Variants in CXXC5 observed in about 807,000 individuals in gnomAD.
The protein encoded by CXXC5 is CXXC finger protein 5.
A neutral mutation model predicts 17.6 loss-of-function variants in CXXC5; 2 were observed. The observed-to-expected ratio is 0.11, with a 90% CI of 0.05 to 0.36. CXXC5 has a LOEUF of 0.36. CXXC5 is among the 10% of genes least tolerant of loss of function. CXXC5 has a pLI of 1.00. For synonymous variants in CXXC5, 171 were observed against 193.0 expected (o/e 0.89, Z 0.94); for missense variants, 343 against 458.3 (o/e 0.75, Z 2.30).
chr5:139,677,712 G>A (rs1478825110), intron 1 of CXXC5, among the ~76,000 whole-genome samples: 2 of 152,236 alleles, frequency 1.3e-5, no homozygotes, highest in Non-Finnish European at 2.9e-5. Context: ...GAGGCTGGGG[G>A]TGGGTGGGCC....
At position 139,680,800 on chromosome 5, in the gene CXXC5, G is replaced by A. The variant is rs773486136; in HGVS notation, c.277G>A (p.Gly93Ser). 37 of 1,612,874 alleles carry A rather than the reference G, an allele frequency of 2.3e-5. No homozygotes were observed. Among genetic ancestry groups the A allele is most frequent in the African/African-American group, 9.3e-5 (7 of 74,942 alleles). Residue 93 changes from glycine to serine, a missense_variant, in exon 2 of 3, where the codon GGT becomes AGT. This residue lies in a region of CXXC5 where 297 missense variants were observed against 363.4 expected (regional missense o/e 0.82). Transcript: ENST00000302517. Reference sequence around the variant, plus strand: ...TTTTGGCAGCAGTGGTGGTAGTGGCGGTGGCAGCATGATGGGCGGAGAGTC... The same window carrying A: ...TTTTGGCAGCAGTGGTGGTAGTGGCAGTGGCAGCATGATGGGCGGAGAGTC... ...SSFGSSGGSG[G>S]GSMMGGESAD...
chr5:139,655,288 C>T (rs1372120394), intron 1 of CXXC5, among the ~76,000 whole-genome samples: 4 of 152,104 alleles, frequency 2.6e-5, no homozygotes, highest in Non-Finnish European at 4.4e-5. Flanking sequence ...GGCAGCCCTC[C>T]GCCTCAGGGT....
At chr5:139,647,385 TTTGGGATTATATGCAG>T (rs200186619), upstream of CXXC5, 6,304 of 152,176 alleles carry the variant, frequency 0.041, 191 homozygotes, top group Middle Eastern at 0.058. Flanking sequence ...AAACTTCCAC[TTTGGGATTATATGCAG>T]TTGGGATTAT....
In CXXC5 at chr5:139,663,862, T is replaced by G. The variant is rs1755955399; in HGVS notation, c.-161+15017T>G. 1.3e-5 allele frequency among the ~76,000 whole-genome samples: 2 copies of G among 152,192 alleles called. No homozygotes were observed. The highest frequency in any genetic ancestry group is 4.8e-5 in the African/African-American group (2 of 41,450). Reference sequence around the variant, plus strand: ...TGACGAGGTGGGGGCTGTCAGCGGCTGCATTTCACTGGCTAGGGGTTGGGC... The same window carrying G: ...TGACGAGGTGGGGGCTGTCAGCGGCGGCATTTCACTGGCTAGGGGTTGGGC... On this transcript the variant is annotated intron_variant, in intron 1 of 2. Transcript: ENST00000302517. The surrounding 1 kb of genome is among the most constrained non-coding windows in gnomAD (Gnocchi z 4.2).
At chr5:139,654,711 C>T (rs978955073) in intron 1 of CXXC5, among the ~76,000 whole-genome samples, 3 of 151,306 alleles carry the variant, frequency 2.0e-5, no homozygotes, top group African/African-American at 4.9e-5. Flanking sequence ...CCCCATGGGG[C>T]ACATGGTAGC....
chr5:139,654,505 A>G (rs940054300), intron 1 of CXXC5, among the ~76,000 whole-genome samples: 1 of 152,154 alleles, frequency 6.6e-6, no homozygotes, highest in Non-Finnish European at 1.5e-5. Context: ...CTCACCTACA[A>G]TCTGTATTCA....
At chr5:139,660,677 C>T (rs547494273) in intron 1 of CXXC5, among the ~76,000 whole-genome samples, 1 of 151,328 alleles carries the variant, frequency 6.6e-6, no homozygotes, top group South Asian at 2.1e-4. Flanking sequence ...CAGCCTTCCC[C>T]TCTACCCTCA....
At chr5:139,649,051 G>C (rs892184739) in intron 1 of CXXC5, 3 of 152,372 alleles carry the variant, frequency 2.0e-5, no homozygotes, top group African/African-American at 7.2e-5. Flanking sequence ...TCCGTATTTG[G>C]GAGGGGCGGG....
chr5:139,655,015 C>G (rs1035352014), intron 1 of CXXC5, among the ~76,000 whole-genome samples: 3 of 152,174 alleles, frequency 2.0e-5, no homozygotes, highest in Non-Finnish European at 2.9e-5. Context: ...GAAGGAGAAG[C>G]TGGATGTCTC....
At chr5:139,681,615 C>A in intron 2 of CXXC5, 168 bp downstream of exon 2, 2 of 761,112 alleles carry the variant, frequency 2.6e-6, no homozygotes, top group East Asian at 2.9e-5. Flanking sequence ...GTTTACTGCC[C>A]CAAAAGTCAG....
At chr5:139,678,410 G>GC (rs1185837512) in intron 1 of CXXC5, among the ~76,000 whole-genome samples, 2 of 152,122 alleles carry the variant, frequency 1.3e-5, no homozygotes, top group Non-Finnish European at 2.9e-5. Context: ...CCCTGCCAGG[G>GC]CCCCCCGGCT....
chr5:139,656,386 T>C (rs1755498480), intron 1 of CXXC5, among the ~76,000 whole-genome samples: 1 of 152,242 alleles, frequency 6.6e-6, no homozygotes, highest in South Asian at 2.1e-4. Flanking sequence ...CTGGCATCAC[T>C]GGATCCCCAG....
Position 139,683,314 on chromosome 5 carries a change from C to T in CXXC5, c.*407C>T, listed in dbSNP as rs897677794. On this transcript the variant is annotated 3_prime_UTR_variant, in exon 3 of 3. Coordinates refer to ENST00000302517, the MANE Select transcript of CXXC5 (RefSeq NM_016463.9). ...TTTGAAATCTAGTTACTAATAAGCA[C>T]TACTGTAATTTAGCACAGTTTAACT... is the stretch of plus-strand genomic sequence containing the variant. 6.3e-6 allele frequency: 1 copy of T among 159,504 alleles called. No individual in the cohort carries two copies. The highest frequency in any genetic ancestry group is 1.4e-5 in the Non-Finnish European group (1 of 72,914). 9.9% of individuals were successfully genotyped at this position (159,504 alleles called of 1,614,324 possible). A position where few individuals can be genotyped will look rare whatever the true frequency, so the allele number is the denominator to read the frequency against.
upstream of CXXC5, among the ~76,000 whole-genome samples, chr5:139,647,698 A>T (rs763546259): frequency 2.0e-5 from 3 of 152,224 alleles, no homozygotes; most frequent in East Asian, 5.8e-4. Context: ...CCCGGGACTC[A>T]AGAGTTGAGG....
chr5:139,662,662 C>G (rs544583357), intron 1 of CXXC5, among the ~76,000 whole-genome samples: 2 of 152,146 alleles, frequency 1.3e-5, no homozygotes, highest in Non-Finnish European at 2.9e-5. Flanking sequence ...ACGACTGGAC[C>G]GTGGTTGAGG....
chr5:139,664,632 T>C (rs6867299), intron 1 of CXXC5, among the ~76,000 whole-genome samples: 67,523 of 152,048 alleles, frequency 0.44, 16,605 homozygotes, highest in African/African-American at 0.66. Flanking sequence ...CTGCCCTGCG[T>C]GCTCTCTGAG....
chr5:139,656,405 C>T (rs979285704), intron 1 of CXXC5, among the ~76,000 whole-genome samples: 10 of 152,246 alleles, frequency 6.6e-5, no homozygotes, highest in African/African-American at 2.4e-4. Context: ...AGGTCTCTCA[C>T]ACAGGCACAC....
chr5:139,653,227 G>A (rs973757755), intron 1 of CXXC5, among the ~76,000 whole-genome samples: 2 of 152,214 alleles, frequency 1.3e-5, no homozygotes, highest in African/African-American at 4.8e-5. Flanking sequence ...GGGCTGGGGT[G>A]ACAGCGTGTA....
intron 1 of CXXC5, among the ~76,000 whole-genome samples, chr5:139,656,066 AC>A (rs771981611): frequency 5.6e-4 from 86 of 152,268 alleles, no homozygotes; most frequent in Non-Finnish European, 7.6e-4. Context: ...CTTGCCTGTG[AC>A]CTTTTCTGAC....
Sources: allele counts gnomAD v4.1 joint callset (sites outside exome capture counted in the v4.1 genomes callset), GRCh38; gene constraint gnomAD v4.1.1; regional missense constraint gnomAD v4.1.1; non-coding constraint Gnocchi (gnomAD v3.1); transcripts MANE v1.5; gene names NCBI Gene and HGNC (gene_info 2026-07-23, HGNC 2026-07-21).